The following SEZ6L variants were observed in gnomAD, a reference collection of about 807,000 sequenced individuals.
SEZ6L encodes the protein seizure related 6 homolog like, also known as seizure 6-like protein.
SEZ6L carries 37 observed loss-of-function variants against 106.2 expected under a neutral mutation model. The observed-to-expected ratio is 0.35, with a 90% CI of 0.27 to 0.46. SEZ6L has a LOEUF of 0.46. Ranked by LOEUF, SEZ6L falls within the 20% of genes least tolerant of loss-of-function variation. The pLI, the probability that SEZ6L is intolerant of heterozygous loss-of-function variation, is 1.00. For missense variants in SEZ6L, 1,172 were observed against 1,332.8 expected (o/e 0.88, Z 1.88); for synonymous variants, 541 against 570.4 (o/e 0.95, Z 0.73).
At chr22:26,255,925 A>T (rs1359497848) in intron 1 of SEZ6L, among the ~76,000 whole-genome samples, 1 of 152,194 alleles carries the variant, frequency 6.6e-6, no homozygotes, top group Non-Finnish European at 1.5e-5. Flanking sequence ...CAGCTGTGAG[A>T]TCTTTAGTGT....
intron 9 of SEZ6L, among the ~76,000 whole-genome samples, chr22:26,335,326 A>G (rs1308166646): frequency 6.6e-6 from 1 of 152,176 alleles, no homozygotes; most frequent in Non-Finnish European, 1.5e-5. Flanking sequence ...GCGTTTTCAT[A>G]GGTCTTCTGG....
chr22:26,348,801 G>A (rs1279571952), intron 11 of SEZ6L, among the ~76,000 whole-genome samples: 1 of 8,138 alleles, frequency 1.2e-4, no homozygotes, highest in Non-Finnish European at 2.0e-4. Context: ...GAGGGAAGGG[G>A]AGGGAAGGGG....
At chr22:26,206,574 A>T (rs1941283513) in intron 1 of SEZ6L, among the ~76,000 whole-genome samples, 1 of 152,244 alleles carries the variant, frequency 6.6e-6, no homozygotes, top group South Asian at 2.1e-4. Context: ...ATTCAAAACC[A>T]CAGCCATCTG....
intron 11 of SEZ6L, 25 bp downstream of exon 11, chr22:26,347,938 T>A: frequency 6.6e-7 from 1 of 1,525,386 alleles, no homozygotes; most frequent in South Asian, 1.3e-5. Context: ...GTTTCCTTCC[T>A]CTAGGTCCCT....
At chr22:26,187,973 G>T (rs376939586) in intron 1 of SEZ6L, among the ~76,000 whole-genome samples, 6 of 152,324 alleles carry the variant, frequency 3.9e-5, no homozygotes, top group Non-Finnish European at 8.8e-5. Context: ...CTGATCCCTA[G>T]AGAGGAGAAA....
At chr22:26,273,319 C>T (rs1186926911) in intron 1 of SEZ6L, among the ~76,000 whole-genome samples, 1 of 152,262 alleles carries the variant, frequency 6.6e-6, no homozygotes, top group Non-Finnish European at 1.5e-5. Context: ...GGCACTGAGG[C>T]GCTCTGTGTA....
chr22:26,312,945 C>T (rs1200796517), intron 8 of SEZ6L, among the ~76,000 whole-genome samples: 1 of 152,194 alleles, frequency 6.6e-6, no homozygotes, highest in Non-Finnish European at 1.5e-5. Context: ...ATGAAAGGTG[C>T]CCTCACTCCT....
At chr22:26,356,082 AGTT>A (rs2083427851) in intron 12 of SEZ6L, among the ~76,000 whole-genome samples, 1 of 152,212 alleles carries the variant, frequency 6.6e-6, no homozygotes, top group African/African-American at 2.4e-5. Context: ...CAGCTTACTC[AGTT>A]GTTCAGGCCT....
chr22:26,269,278 TA>T (rs923978084), intron 1 of SEZ6L, among the ~76,000 whole-genome samples: 1 of 152,204 alleles, frequency 6.6e-6, no homozygotes, highest in African/African-American at 2.4e-5. Flanking sequence ...GAATGAGGCC[TA>T]GAAATCTGCC....
intron 1 of SEZ6L, among the ~76,000 whole-genome samples, chr22:26,242,460 G>T (rs1216753672): frequency 6.6e-6 from 1 of 152,192 alleles, no homozygotes; most frequent in Non-Finnish European, 1.5e-5. Context: ...CAAGCTCGTG[G>T]CTTGCTGGCT....
intron 1 of SEZ6L, among the ~76,000 whole-genome samples, chr22:26,258,713 G>A (rs2079904525): frequency 6.6e-6 from 1 of 152,166 alleles, no homozygotes; most frequent in Non-Finnish European, 1.5e-5. Flanking sequence ...TCTAGAAAAT[G>A]ATGCATAATT....
intron 12 of SEZ6L, among the ~76,000 whole-genome samples, chr22:26,361,788 C>T (rs1331646180): frequency 1.3e-5 from 2 of 152,056 alleles, no homozygotes; most frequent in African/African-American, 4.8e-5. Flanking sequence ...CACTTGAACC[C>T]AAGCGCTCCT....
intron 1 of SEZ6L, among the ~76,000 whole-genome samples, chr22:26,237,859 G>C (rs534982490): frequency 6.6e-6 from 1 of 152,040 alleles, no homozygotes; most frequent in Non-Finnish European, 1.5e-5. Flanking sequence ...TTCACATGCC[G>C]GCTGTTTAAG....
chr22:26,281,855 T>C (rs2080781155), intron 1 of SEZ6L, among the ~76,000 whole-genome samples: 2 of 152,228 alleles, frequency 1.3e-5, no homozygotes, highest in African/African-American at 4.8e-5. Flanking sequence ...GTTCAACCTT[T>C]TGGATTCCAC....
intron 9 of SEZ6L, among the ~76,000 whole-genome samples, chr22:26,336,148 T>C (rs1317550954): frequency 6.6e-6 from 1 of 152,186 alleles, no homozygotes; most frequent in Non-Finnish European, 1.5e-5. Flanking sequence ...GACTTCCTAC[T>C]GCAAGGCCCT....
At chr22:26,324,331 C>T (rs1263394747) in intron 9 of SEZ6L, among the ~76,000 whole-genome samples, 1 of 152,074 alleles carries the variant, frequency 6.6e-6, no homozygotes, top group African/African-American at 2.4e-5. Context: ...GTTTATGAGC[C>T]CCAGCACAGT....
At chr22:26,328,602 T>C (rs1477266257) in intron 9 of SEZ6L, among the ~76,000 whole-genome samples, 1 of 152,082 alleles carries the variant, frequency 6.6e-6, no homozygotes, top group Admixed American at 6.5e-5. Context: ...ATCGGTGACC[T>C]TGCCAGAGCC....
In SEZ6L at chr22:26,169,694, G is replaced by A. The variant is rs1601939359; in HGVS notation, c.25G>A (p.Ala9Thr). 2 of 1,313,552 alleles carry A rather than the reference G, an allele frequency of 1.5e-6. No homozygotes were observed. Among genetic ancestry groups the A allele is most frequent in the Non-Finnish European group, 9.7e-7 (1 of 1,033,494 alleles). The allele number at this position is 1,313,552 out of a possible 1,614,324, so 81.4% of individuals were successfully genotyped here. A position where few individuals can be genotyped will look rare whatever the true frequency, so the allele number is the denominator to read the frequency against. Residue 9 changes from alanine to threonine, a missense_variant, in exon 1 of 17, where the codon GCG (alanine) becomes ACG (threonine). By Grantham distance (58) the Ala-to-Thr change is moderately conservative. Coordinates refer to ENST00000248933, the MANE Select transcript of SEZ6L (RefSeq NM_021115.5). ...GATGCCCGCGGCCCGGCCGCCCGCC[G>A]CGGGACTCCGCGGGATCTCGCTGTT... MPAARPPA[A>T]GLRGISLFLA... is the part of the protein sequence containing the mutation.
At chr22:26,202,694 A>T (rs1364437824) in intron 1 of SEZ6L, among the ~76,000 whole-genome samples, 1 of 152,184 alleles carries the variant, frequency 6.6e-6, no homozygotes, top group East Asian at 1.9e-4. Flanking sequence ...GAATTTAATG[A>T]TGATGTGGGT....
Sources: gnomAD v4.1 joint callset for allele counts (sites outside exome capture counted in the v4.1 genomes callset) on GRCh38, gnomAD v4.1.1 for gene constraint, MANE v1.5 for transcripts, NCBI Gene and HGNC (gene_info 2026-07-23, HGNC 2026-07-21) for gene names.